Variants in FRMD4A observed in about 807,000 individuals in gnomAD.
The protein encoded by FRMD4A is FERM domain-containing protein 4A.
A neutral mutation model predicts 129.1 loss-of-function variants in FRMD4A; 29 were observed. The ratio of observed to expected loss-of-function variants is 0.22; its 90% CI spans 0.17 to 0.31. The LOEUF (loss-of-function observed/expected upper bound fraction) is 0.31, where lower values mean the gene tolerates loss of function less well. Ranked by LOEUF, FRMD4A falls within the 10% of genes least tolerant of loss-of-function variation. FRMD4A has a pLI of 1.00. For missense variants in FRMD4A, 1,272 were observed against 1,375.8 expected (o/e 0.92, Z 1.19); for synonymous variants, 634 against 571.6 (o/e 1.11, Z -1.56).
At chr10:14,267,768 T>C (rs116138274) in intron 2 of FRMD4A, among the ~76,000 whole-genome samples, 1 of 152,296 alleles carries the variant, frequency 6.6e-6, no homozygotes, top group African/African-American at 2.4e-5. Flanking sequence ...ACTAACTAGG[T>C]GTCCTGGAGA....
chr10:14,061,320 T>G (rs1356772849), intron 2 of FRMD4A, among the ~76,000 whole-genome samples: 4 of 152,078 alleles, frequency 2.6e-5, no homozygotes, highest in Non-Finnish European at 5.9e-5. Flanking sequence ...GGTGTGGTGA[T>G]GTGCACCTGC....
At chr10:13,702,216 T>G (rs760364699) in intron 13 of FRMD4A, among the ~76,000 whole-genome samples, 5 of 152,132 alleles carry the variant, frequency 3.3e-5, no homozygotes, top group African/African-American at 1.2e-4. Context: ...GGATGACAGA[T>G]GCCCCCCACC....
At chr10:13,793,453 A>G (rs1339640151) in intron 5 of FRMD4A, among the ~76,000 whole-genome samples, 1 of 152,132 alleles carries the variant, frequency 6.6e-6, no homozygotes, top group Non-Finnish European at 1.5e-5. Context: ...ATGAACCACC[A>G]TGCCCAGCCT....
chr10:13,678,459 C>T (rs943791663), intron 15 of FRMD4A, among the ~76,000 whole-genome samples: 2 of 152,240 alleles, frequency 1.3e-5, no homozygotes, highest in Non-Finnish European at 2.9e-5. Context: ...CAGAACCACT[C>T]ACTGGATGTG....
chr10:13,835,972 C>T (rs889322215), intron 3 of FRMD4A, among the ~76,000 whole-genome samples: 10 of 152,220 alleles, frequency 6.6e-5, no homozygotes, highest in South Asian at 2.1e-4. Flanking sequence ...CTACTATGAG[C>T]CTGGCACTAA....
intron 4 of FRMD4A, among the ~76,000 whole-genome samples, chr10:13,804,528 T>TTTCTTTCC (rs2093323259): frequency 6.7e-6 from 1 of 150,174 alleles, no homozygotes; most frequent in African/African-American, 2.5e-5. Flanking sequence ...GGACTTTTTC[T>TTTCTTTCC]TTCTTTCTTT....
chr10:13,947,185 T>A (rs1453847288), intron 2 of FRMD4A, among the ~76,000 whole-genome samples: 1 of 151,792 alleles, frequency 6.6e-6, no homozygotes, highest in Non-Finnish European at 1.5e-5. Flanking sequence ...GTCCCAGGGG[T>A]TTTGGGGACA....
intron 14 of FRMD4A, among the ~76,000 whole-genome samples, chr10:13,696,695 G>T (rs375581397): frequency 1.1e-3 from 172 of 152,244 alleles, no homozygotes; most frequent in African/African-American, 4.0e-3. Context: ...AGTGAGCTGA[G>T]ATCACGCCAC....
At chr10:13,823,389 T>G (rs569870881) in intron 3 of FRMD4A, among the ~76,000 whole-genome samples, 40 of 152,156 alleles carry the variant, frequency 2.6e-4, no homozygotes, top group Non-Finnish European at 5.3e-4. Context: ...CTCTCTGCAT[T>G]AATGAAATGA....
chr10:13,956,752 A>G (rs893721547), intron 2 of FRMD4A, among the ~76,000 whole-genome samples: 1 of 152,244 alleles, frequency 6.6e-6, no homozygotes, highest in Non-Finnish European at 1.5e-5. Context: ...AGTGAGTACT[A>G]AGATTCAAAT....
chr10:14,163,214 A>C (rs1840998397), intron 2 of FRMD4A, among the ~76,000 whole-genome samples: 1 of 152,210 alleles, frequency 6.6e-6, no homozygotes, highest in Non-Finnish European at 1.5e-5. Context: ...TCTAGTGTTA[A>C]AGACATTGTT....
Position 14,201,021 on chromosome 10 carries a change from C to G in FRMD4A, c.45+129037G>C, listed in dbSNP as rs974743469. Among the ~76,000 whole-genome samples, 6 of 152,218 alleles carry G rather than the reference C, an allele frequency of 3.9e-5. No homozygotes were observed. In the East Asian group the frequency reaches 1.2e-3, roughly 29 times the overall value. On this transcript the variant is annotated intron_variant, in intron 2 of 24. Transcript: ENST00000357447. ...AGCAATTTTTCCAGTGCTGGCAGAG[C>G]CAGCTTCATCCTACTTCCTTGGACA...
At chr10:14,088,785 CAAAAAAA>C (rs58056105) in intron 2 of FRMD4A, among the ~76,000 whole-genome samples, 2 of 73,844 alleles carry the variant, frequency 2.7e-5, no homozygotes, top group Non-Finnish European at 5.0e-5. Flanking sequence ...GACTCTGTCT[CAAAAAAA>C]AAAAAAAAAA....
chr10:13,787,080 T>C (rs2092883817), intron 5 of FRMD4A, among the ~76,000 whole-genome samples: 1 of 152,178 alleles, frequency 6.6e-6, no homozygotes, highest in Non-Finnish European at 1.5e-5. Context: ...AAGCTCTCTG[T>C]TGTCTAGCCA....
intron 2 of FRMD4A, among the ~76,000 whole-genome samples, chr10:14,316,015 T>C (rs1207313136): frequency 1.3e-5 from 2 of 152,236 alleles, no homozygotes; most frequent in African/African-American, 4.8e-5. Flanking sequence ...GCTCTAGTCA[T>C]AGACACTGTT....
At chr10:13,739,229 T>C (rs2135047907) in intron 11 of FRMD4A, among the ~76,000 whole-genome samples, 1 of 152,366 alleles carries the variant, frequency 6.6e-6, no homozygotes, top group South Asian at 2.1e-4. Context: ...TCTGGGTATA[T>C]GATTTCTTAA....
chr10:14,319,349 C>CCTCTCTCTCTCTCT (rs10645584), intron 2 of FRMD4A, among the ~76,000 whole-genome samples: 9 of 137,294 alleles, frequency 6.6e-5, no homozygotes, highest in Admixed American at 2.9e-4. Context: ...ATCTCTCTCT[C>CCTCTCTCTCTCTCT]CTCTCTCTCT....
intron 2 of FRMD4A, among the ~76,000 whole-genome samples, chr10:13,929,699 AAAATAT>A (rs2095172354): frequency 6.6e-6 from 1 of 152,234 alleles, no homozygotes; most frequent in South Asian, 2.1e-4. Flanking sequence ...TAACTTAGGC[AAAATAT>A]TTATAACTTT....
chr10:14,306,743 C>T (rs1430983474), intron 2 of FRMD4A, among the ~76,000 whole-genome samples: 1 of 152,204 alleles, frequency 6.6e-6, no homozygotes, highest in Admixed American at 6.5e-5. Flanking sequence ...GGAGGTTTCT[C>T]TGTTTAAGGG....
Sources: gnomAD v4.1 joint callset for allele counts (sites outside exome capture counted in the v4.1 genomes callset) on GRCh38, gnomAD v4.1.1 for gene constraint, MANE v1.5 for transcripts, NCBI Gene and HGNC (gene_info 2026-07-23, HGNC 2026-07-21) for gene names.